Variants in MBD5 observed in about 807,000 individuals in gnomAD.
The protein encoded by MBD5 is methyl-CpG-binding domain protein 5.
In MBD5, 13 loss-of-function variants were observed where a neutral mutation model predicts 117.3. The observed-to-expected ratio is 0.11, with a 90% CI of 0.07 to 0.18. The LOEUF is 0.18. MBD5 is among the 10% of genes least tolerant of loss of function. The probability of loss-of-function intolerance (pLI) is 1.00; values close to 1 mark genes in which losing one functional copy is unlikely to be tolerated. For synonymous variants in MBD5, 727 were observed against 766.4 expected, an observed-to-expected ratio of 0.95 and a Z score of 0.85; for missense variants, 1,879 against 2,093.8, an observed-to-expected ratio of 0.90 and a Z score of 2.00.
intron 3 of MBD5, among the ~76,000 whole-genome samples, chr2:148,299,141 T>C (rs899288477): frequency 5.3e-5 from 8 of 152,060 alleles, no homozygotes; most frequent in Non-Finnish European, 1.0e-4. Flanking sequence ...TTTCTTTTTT[T>C]TTTTTGAAAC....
intron 4 of MBD5, among the ~76,000 whole-genome samples, chr2:148,402,229 T>A (rs1313491698): frequency 6.6e-6 from 1 of 152,156 alleles, no homozygotes; most frequent in East Asian, 1.9e-4. Flanking sequence ...TTACTATTTT[T>A]TAGCATTCAT....
intron 1 of MBD5, among the ~76,000 whole-genome samples, chr2:148,143,523 T>C (rs1173627281): frequency 1.3e-5 from 2 of 152,200 alleles, no homozygotes; most frequent in Non-Finnish European, 2.9e-5. Context: ...ATGTGCACAA[T>C]GTGCAGGTTT....
intron 3 of MBD5, among the ~76,000 whole-genome samples, chr2:148,265,284 A>G (rs1700830004): frequency 6.6e-6 from 1 of 152,258 alleles, no homozygotes; most frequent in South Asian, 2.1e-4. Flanking sequence ...TTAAAATAAC[A>G]GCAACATTTT....
intron 2 of MBD5, among the ~76,000 whole-genome samples, chr2:148,203,104 CA>C (rs529122300): frequency 0.22 from 16,703 of 74,944 alleles, 848 homozygotes; most frequent in Middle Eastern, 0.29. Context: ...GACTCCATCT[CA>C]AAAAAAAAAA....
rs990231341 is a variant in MBD5, at chr2:148,483,991, C to T, written c.3400C>T (p.Leu1134Phe). Residue 1134 changes from leucine to phenylalanine, a missense_variant, in exon 9 of 14, where the codon CTT becomes TTT. Transcript: ENST00000642680. ...SAVAALTVST[L>F]GGTAVVSMAE... ...AGTGGCAGCACTGACTGTCTCAACA[C>T]TTGGTGGGACAGCAGTGGTGTCAAT... The T allele has an allele frequency of 1.2e-5, 18 of 1,550,374 alleles. No homozygotes were observed. The highest frequency in any genetic ancestry group is 1.7e-4 in the Middle Eastern group (1 of 6,012).
At chr2:148,237,042 A>C (rs1700106372) in intron 3 of MBD5, among the ~76,000 whole-genome samples, 2 of 152,208 alleles carry the variant, frequency 1.3e-5, no homozygotes, top group Admixed American at 1.3e-4. Flanking sequence ...TTTCTTCTGC[A>C]GCTTCCTCAC....
At chr2:148,426,898 C>G (rs1705810190) in intron 4 of MBD5, among the ~76,000 whole-genome samples, 1 of 152,094 alleles carries the variant, frequency 6.6e-6, no homozygotes, top group Admixed American at 6.6e-5. Context: ...TTGCAATCTA[C>G]TCATCTGACA....
At chr2:148,404,451 T>C (rs900317537) in intron 4 of MBD5, among the ~76,000 whole-genome samples, 3 of 148,888 alleles carry the variant, frequency 2.0e-5, no homozygotes, top group African/African-American at 7.3e-5. Flanking sequence ...AAAGGAAACT[T>C]CTATAGATCC....
Position 148,102,460 on chromosome 2 carries a change from C to G in MBD5, c.-924-76240C>G, listed in dbSNP as rs73007183. Among the ~76,000 whole-genome samples, 393 of 152,090 alleles carry G rather than the reference C, an allele frequency of 2.6e-3. 1 individual carries two copies. The highest frequency in any genetic ancestry group is 8.9e-3 in the African/African-American group (368 of 41,482). On this transcript the variant is annotated intron_variant, in intron 1 of 13. Coordinates refer to ENST00000642680, the MANE Select transcript of MBD5 (RefSeq NM_001378120.1). ...GCTAAAGCTGGAAGAAATGAAGTAG[C>G]TTGTCTGTTACACAGCTGTGACATA...
intron 2 of MBD5, among the ~76,000 whole-genome samples, chr2:148,210,884 A>T (rs1484944553): frequency 6.6e-6 from 1 of 152,128 alleles, no homozygotes. Context: ...TCTTAAAAAA[A>T]TCCTGTCTTT....
chr2:148,134,847 A>G (rs1360074667), intron 1 of MBD5, among the ~76,000 whole-genome samples: 3 of 152,024 alleles, frequency 2.0e-5, no homozygotes, highest in Admixed American at 1.3e-4. Context: ...ACTCTTTTCT[A>G]TTTATCTTCA....
chr2:148,227,037 C>T (rs1332821486), intron 2 of MBD5, among the ~76,000 whole-genome samples: 3 of 152,100 alleles, frequency 2.0e-5, no homozygotes, highest in Non-Finnish European at 4.4e-5. Flanking sequence ...GAGTAGGTTG[C>T]AAAAATTTTC....
At chr2:148,477,550 G>A (rs1008828326) in intron 8 of MBD5, among the ~76,000 whole-genome samples, 7 of 151,834 alleles carry the variant, frequency 4.6e-5, no homozygotes, top group South Asian at 2.1e-4. Context: ...ATAAAGTCTC[G>A]TAGAAAGATC....
chr2:148,215,242 T>C (rs1369357057), intron 2 of MBD5, among the ~76,000 whole-genome samples: 2 of 152,184 alleles, frequency 1.3e-5, no homozygotes, highest in Non-Finnish European at 2.9e-5. Context: ...GTCTGTTTTG[T>C]CCCTGCTACA....
At chr2:148,146,632 A>G (rs1380771321) in intron 1 of MBD5, among the ~76,000 whole-genome samples, 1 of 152,104 alleles carries the variant, frequency 6.6e-6, no homozygotes, top group Admixed American at 6.6e-5. Flanking sequence ...GGGTACTCAT[A>G]TTAAGGTTAT....
chr2:148,330,912 C>T (rs1358798582), intron 3 of MBD5, among the ~76,000 whole-genome samples: 2 of 152,094 alleles, frequency 1.3e-5, no homozygotes, highest in Admixed American at 6.5e-5. Flanking sequence ...GAAGATTTTA[C>T]AGATAAGGGA....
At chr2:148,243,296 AATC>A (rs1430973495) in intron 3 of MBD5, among the ~76,000 whole-genome samples, 8 of 151,506 alleles carry the variant, frequency 5.3e-5, no homozygotes, top group African/African-American at 1.9e-4. Flanking sequence ...GTATTTCTGT[AATC>A]ATAATAGTAG....
Position 148,021,470 on chromosome 2 carries a change from T to G in MBD5, c.-1139T>G. On this transcript the variant is annotated 5_prime_UTR_variant, in exon 1 of 14. Transcript: ENST00000642680. ...GACCCTTTGCTGCTGCTGTTGCTGC[T>G]GCTGCTGCTGTTGCTGCTGCTGCTG... The G allele has an allele frequency of 1.7e-6, 1 of 578,392 alleles. No individual in the cohort carries two copies. Among genetic ancestry groups the G allele is most frequent in the Non-Finnish European group, 3.3e-6 (1 of 300,222 alleles). The allele number at this position is 578,392 out of a possible 1,614,324, so 35.8% of individuals were successfully genotyped here.
At chr2:148,224,740 G>A (rs561727337) in intron 2 of MBD5, among the ~76,000 whole-genome samples, 1 of 151,656 alleles carries the variant, frequency 6.6e-6, no homozygotes, top group African/African-American at 2.4e-5. Flanking sequence ...GGGTGTGTCA[G>A]TGTTGGGTGC....
Sources: gnomAD v4.1 joint callset for allele counts (sites outside exome capture counted in the v4.1 genomes callset) on GRCh38, gnomAD v4.1.1 for gene constraint, MANE v1.5 for transcripts, NCBI Gene and HGNC (gene_info 2026-07-23, HGNC 2026-07-21) for gene names.